The following LMBR1 variants were observed in gnomAD, a reference collection of about 807,000 sequenced individuals.
LMBR1 encodes the protein limb region 1 protein homolog.
LMBR1 carries 52 observed loss-of-function variants against 73.9 expected under a neutral mutation model. That is an observed-to-expected ratio of 0.70 (90% CI 0.56 to 0.89). LMBR1 has a LOEUF of 0.89. Ranked by LOEUF, LMBR1 falls within the 40% of genes least tolerant of loss-of-function variation. The pLI is 0.00. For missense variants in LMBR1, 539 were observed against 579.8 expected, an observed-to-expected ratio of 0.93 and a Z score of 0.72; for synonymous variants, 215 against 209.4, an observed-to-expected ratio of 1.03 and a Z score of -0.23.
At chr7:156,834,201 A>G (rs1465553076) in intron 2 of LMBR1, among the ~76,000 whole-genome samples, 2 of 152,178 alleles carry the variant, frequency 1.3e-5, no homozygotes, top group Non-Finnish European at 2.9e-5. Context: ...TAGAACTCAT[A>G]ATTTTCTATA....
chr7:156,756,306 G>A lies in LMBR1; in HGVS notation c.757+87C>T, dbSNP rs1023009019. The A allele has an allele frequency of 7.0e-6, 5 of 711,420 alleles. No individual in the cohort carries two copies. The African/African-American group carries it at 9.1e-5, about 13-fold the overall frequency. The allele number at this position is 711,420 out of a possible 1,614,324, so 44.1% of individuals were successfully genotyped here. The stretch of plus-strand genomic sequence containing the variant: ...CTTGTAGCAGCACAAGATTCAGAGA[G>A]GTTTATATTTTTTCTCTTCAATTAT... On this transcript the variant is annotated intron_variant, in intron 9 of 16. Coordinates refer to ENST00000353442, the MANE Select transcript of LMBR1 (RefSeq NM_022458.4).
intron 9 of LMBR1, among the ~76,000 whole-genome samples, chr7:156,738,158 A>T (rs1020157323): frequency 2.3e-4 from 35 of 152,116 alleles, no homozygotes; most frequent in East Asian, 1.2e-3. Flanking sequence ...TGGAGAGAGA[A>T]TCTGTGTACT....
At chr7:156,820,553 T>C (rs1834599637) in intron 4 of LMBR1, among the ~76,000 whole-genome samples, 2 of 152,068 alleles carry the variant, frequency 1.3e-5, no homozygotes, top group Non-Finnish European at 2.9e-5. Context: ...CTGACAAAAA[T>C]TTAGGGGCCT....
rs184744086 is a variant in LMBR1, at chr7:156,771,338, T to C, written c.424-7543A>G. Among the ~76,000 whole-genome samples the C allele has an allele frequency of 1.4e-4, 22 of 152,198 alleles. No homozygotes were observed. The East Asian group carries it at 4.3e-3, about 29-fold the overall frequency. ...AAGGTAGATAGACTGCTAGCTAGAC[T>C]AATAAAGATAAAAAGAAGATCCAAA... On this transcript the variant is annotated intron_variant, in intron 5 of 16. Coordinates refer to ENST00000353442, the MANE Select transcript of LMBR1 (RefSeq NM_022458.4).
chr7:156,830,726 G>C (rs1212885281), intron 3 of LMBR1, among the ~76,000 whole-genome samples: 2 of 152,310 alleles, frequency 1.3e-5, no homozygotes, highest in East Asian at 1.9e-4. Flanking sequence ...CTCTAAACTA[G>C]TGATTCTTAA....
rs534872058 is a variant in LMBR1, at chr7:156,747,443, T to A, written c.757+8950A>T. Among the ~76,000 whole-genome samples the A allele has an allele frequency of 3.9e-5, 6 of 152,302 alleles. No homozygotes were observed. In the South Asian group the frequency reaches 8.3e-4, roughly 21 times the overall value. On this transcript the variant is annotated intron_variant, in intron 9 of 16. Transcript: ENST00000353442. ...TAAGCTGTCCTTACAACTTTCTTAA[T>A]ATATAAGACAGCCTTCATATATAAA...
intron 4 of LMBR1, among the ~76,000 whole-genome samples, chr7:156,798,676 A>G (rs1830439740): frequency 6.6e-6 from 1 of 152,086 alleles, no homozygotes; most frequent in South Asian, 2.1e-4. Flanking sequence ...GTATAACAAT[A>G]ATTAGTATTA....
intron 5 of LMBR1, 94 bp from the exon 6 acceptor site, chr7:156,763,889 G>A: frequency 1.1e-6 from 1 of 915,442 alleles, no homozygotes; most frequent in Non-Finnish European, 1.5e-6. Flanking sequence ...ATAATCCCTT[G>A]GAAGGAGAGG....
chr7:156,872,606 C>A (rs1586374172), intron 1 of LMBR1, among the ~76,000 whole-genome samples: 1 of 151,230 alleles, frequency 6.6e-6, no homozygotes, highest in Non-Finnish European at 1.5e-5. Context: ...GAGATCGCAT[C>A]ATTGGACTCC....
rs530520104 is a variant in LMBR1 at position 156,780,080 on chromosome 7, T to C, written c.424-16285A>G. Among the ~76,000 whole-genome samples the C allele has an allele frequency of 5.9e-5, 9 of 152,330 alleles. No homozygotes were observed. The South Asian group carries it at 1.9e-3, about 32-fold the overall frequency. On this transcript the variant is annotated intron_variant, in intron 5 of 16. Coordinates refer to ENST00000353442, the MANE Select transcript of LMBR1 (RefSeq NM_022458.4). ...TGCTCCCAAGTAATCATTAAGAGCA[T>C]ACACGAAAAAGCTTTGGTCTCACGT...
chr7:156,839,556 T>C (rs560704839), intron 1 of LMBR1, among the ~76,000 whole-genome samples: 1 of 152,226 alleles, frequency 6.6e-6, no homozygotes, highest in African/African-American at 2.4e-5. Context: ...TGAGTGATGA[T>C]GAAGTCTAGA....
chr7:156,691,941 G>GGAA (rs1807279525), intron 15 of LMBR1, among the ~76,000 whole-genome samples: 1 of 152,106 alleles, frequency 6.6e-6, no homozygotes, highest in Non-Finnish European at 1.5e-5. Context: ...GAAATCTACA[G>GGAA]TCATTTTAAA....
chr7:156,731,206 G>T (rs1471576653), intron 10 of LMBR1, among the ~76,000 whole-genome samples: 1 of 152,062 alleles, frequency 6.6e-6, no homozygotes, highest in Non-Finnish European at 1.5e-5. Context: ...AAAGCAAAAT[G>T]GAAGACAGAC....
chr7:156,791,870 A>T (rs1829290221), intron 5 of LMBR1, among the ~76,000 whole-genome samples: 1 of 152,190 alleles, frequency 6.6e-6, no homozygotes, highest in Non-Finnish European at 1.5e-5. Context: ...CATAGGCATT[A>T]AAGTTAAGTA....
chr7:156,732,263 G>A (rs1010460420), intron 10 of LMBR1, among the ~76,000 whole-genome samples: 8 of 152,114 alleles, frequency 5.3e-5, no homozygotes, highest in African/African-American at 1.7e-4. Context: ...TGATGCCTGA[G>A]ACACAGGAAA....
At chr7:156,752,548 A>G (rs1162743311) in intron 9 of LMBR1, among the ~76,000 whole-genome samples, 1 of 152,204 alleles carries the variant, frequency 6.6e-6, no homozygotes, top group Non-Finnish European at 1.5e-5. Flanking sequence ...ATTCAGCCAC[A>G]GCATCGAAGG....
intron 15 of LMBR1, among the ~76,000 whole-genome samples, chr7:156,708,777 T>C (rs1585299363): frequency 6.6e-6 from 1 of 152,184 alleles, no homozygotes; most frequent in Non-Finnish European, 1.5e-5. Context: ...CTGAAAGCCA[T>C]GCTTGCTTTC....
chr7:156,736,483 A>T (rs1293358587), intron 9 of LMBR1: 2 of 456,508 alleles, frequency 4.4e-6, no homozygotes. Context: ...TCAAAGTGTC[A>T]AACACATACG....
chr7:156,759,784 T>TG (rs59453556), intron 8 of LMBR1, among the ~76,000 whole-genome samples: 9,813 of 152,146 alleles, frequency 0.064, 362 homozygotes, highest in East Asian at 0.15. Context: ...GACTGGCAAA[T>TG]GGAGTAATGG....
Sources: gnomAD v4.1 joint callset for allele counts (sites outside exome capture counted in the v4.1 genomes callset) on GRCh38, gnomAD v4.1.1 for gene constraint, MANE v1.5 for transcripts, NCBI Gene and HGNC (gene_info 2026-07-23, HGNC 2026-07-21) for gene names.